Variants in REV1 observed in about 807,000 individuals in gnomAD.
The protein encoded by REV1 is REV1 DNA directed polymerase, also known as translesion synthesis protein REV1.
A neutral mutation model predicts 137.4 loss-of-function variants in REV1; 42 were observed. The ratio of observed to expected loss-of-function variants is 0.31; its 90% CI spans 0.24 to 0.40. The LOEUF is 0.40. REV1 is among the 10% of genes least tolerant of loss of function. The pLI is 1.00. For synonymous variants in REV1, 524 were observed against 519.2 expected (o/e 1.01, Z -0.12); for missense variants, 1,282 against 1,490.1 (o/e 0.86, Z 2.30).
At chr2:99,413,946 T>TAA (rs1271151357) in intron 12 of REV1, among the ~76,000 whole-genome samples, 3 of 152,068 alleles carry the variant, frequency 2.0e-5, no homozygotes, top group Admixed American at 1.3e-4. Flanking sequence ...GCCAACAGTC[T>TAA]GAGTTTGAGG....
At chr2:99,410,199 T>C (rs1310548992) in intron 14 of REV1, among the ~76,000 whole-genome samples, 1 of 152,092 alleles carries the variant, frequency 6.6e-6, no homozygotes, top group Non-Finnish European at 1.5e-5. Context: ...TTAGTGGAAA[T>C]GGAGTTTCAC....
intron 4 of REV1, among the ~76,000 whole-genome samples, chr2:99,447,930 C>A (rs1432481515): frequency 6.6e-6 from 1 of 151,592 alleles, no homozygotes; most frequent in Non-Finnish European, 1.5e-5. Flanking sequence ...GTTGGCCAAG[C>A]TGGTCTCTGC....
intron 1 of REV1, among the ~76,000 whole-genome samples, chr2:99,476,054 A>AGCCCC (rs1370748115): frequency 6.6e-6 from 1 of 152,264 alleles, no homozygotes; most frequent in African/African-American, 2.4e-5. Context: ...CGCTTTCAAC[A>AGCCCC]AACACATACA....
chr2:99,424,851 G>C (rs1200766260), intron 9 of REV1: 17 of 1,304,000 alleles, frequency 1.3e-5, no homozygotes, highest in Non-Finnish European at 1.7e-5. Flanking sequence ...ATTGTACATG[G>C]TAGGACATCA....
chr2:99,424,047 C>T (rs1354203685), intron 10 of REV1, 105 bp downstream of exon 10: 16 of 1,246,012 alleles, frequency 1.3e-5, no homozygotes, highest in Non-Finnish European at 1.8e-5. Context: ...AGATAAAATT[C>T]TAACAAAAGT....
Position 99,479,111 on chromosome 2 carries a change from C to T in REV1, c.-11+10706G>A, listed in dbSNP as rs866341353. On this transcript the variant is annotated intron_variant, in intron 1 of 22. Transcript: ENST00000258428. ...TTAGGAGACCGAGGTGGGCGGATCA[C>T]GAGGTCAGGAGATCGAGACCACACT... Among the ~76,000 whole-genome samples the T allele has an allele frequency of 1.4e-4, 21 of 151,876 alleles. 1 individual carries two copies. The highest frequency in any genetic ancestry group is 4.6e-4 in the African/African-American group (19 of 41,336).
At chr2:99,449,273 A>T in intron 4 of REV1, 63 bp downstream of exon 4, 1 of 1,058,492 alleles carries the variant, frequency 9.4e-7, no homozygotes, top group East Asian at 3.4e-5. Context: ...TCAAAAAAAT[A>T]AATAAATAAA....
chr2:99,407,942 A>G (rs928604904), intron 15 of REV1, 87 bp downstream of exon 15: 3 of 718,490 alleles, frequency 4.2e-6, no homozygotes, highest in Non-Finnish European at 4.4e-6. Flanking sequence ...GTCCCTATAC[A>G]CCAGCAATAA....
intron 18 of REV1, among the ~76,000 whole-genome samples, chr2:99,404,077 T>C (rs535438166): frequency 2.6e-5 from 4 of 152,266 alleles, no homozygotes; most frequent in African/African-American, 9.6e-5. Context: ...AATGCACTAG[T>C]AGAAAATGGG....
At chr2:99,405,769 A>T in intron 17 of REV1, 141 bp downstream of exon 17, 1 of 547,514 alleles carries the variant, frequency 1.8e-6, no homozygotes, top group Non-Finnish European at 3.0e-6. Context: ...ATCATGATCT[A>T]CCCAAACAAG....
At chr2:99,404,167 G>A (rs866475408) in intron 18 of REV1, among the ~76,000 whole-genome samples, 1 of 152,138 alleles carries the variant, frequency 6.6e-6, no homozygotes, top group South Asian at 2.1e-4. Flanking sequence ...TTGTATTCAA[G>A]TGTGGCCATT....
At chr2:99,426,613 CA>C (rs1429829372) in intron 9 of REV1, among the ~76,000 whole-genome samples, 2 of 152,008 alleles carry the variant, frequency 1.3e-5, no homozygotes, top group African/African-American at 4.8e-5. Flanking sequence ...TAAGGGAAGC[CA>C]AATACCTTGA....
chr2:99,428,950 C>T (rs1228197855), intron 9 of REV1, among the ~76,000 whole-genome samples: 18 of 150,294 alleles, frequency 1.2e-4, no homozygotes, highest in Admixed American at 1.1e-3. Context: ...CAAGATGGTG[C>T]CACTGCACTC....
At chr2:99,406,817 A>AAAAAAAATT (rs1676358080) in intron 15 of REV1, 1 of 169,336 alleles carries the variant, frequency 5.9e-6, no homozygotes, top group Non-Finnish European at 1.2e-5. Flanking sequence ...AATTAGGATA[A>AAAAAAAATT]AAAAAAATTA....
chr2:99,454,594 C>CT (rs1683331267), intron 3 of REV1, among the ~76,000 whole-genome samples: 3 of 87,972 alleles, frequency 3.4e-5, no homozygotes, highest in Non-Finnish European at 7.4e-5. Flanking sequence ...AAAAAAAACC[C>CT]AAAAATTACG....
At chr2:99,422,111 C>A (rs1357511471) in intron 10 of REV1, among the ~76,000 whole-genome samples, 1 of 152,054 alleles carries the variant, frequency 6.6e-6, no homozygotes, top group Admixed American at 6.6e-5. Context: ...TCTCCTAAAA[C>A]CAAAATATCA....
chr2:99,454,856 G>C (rs1029456711), intron 3 of REV1, among the ~76,000 whole-genome samples: 1 of 152,152 alleles, frequency 6.6e-6, no homozygotes, highest in Non-Finnish European at 1.5e-5. Context: ...ACAGACAATT[G>C]AAAGCACAGT....
At chr2:99,446,851 A>G (rs1682292906) in intron 4 of REV1, among the ~76,000 whole-genome samples, 1 of 151,422 alleles carries the variant, frequency 6.6e-6, no homozygotes, top group Non-Finnish European at 1.5e-5. Flanking sequence ...TTTCCCCTCA[A>G]CTCTCCTCCT....
At position 99,439,157 on chromosome 2, in the gene REV1, T is replaced by G. The variant is rs970768290; in HGVS notation, c.657A>C (p.Arg219Ser). 8.7e-6 allele frequency: 14 copies of G among 1,614,056 alleles called. No homozygotes were observed. The highest frequency in any genetic ancestry group is 5.0e-5 in the Admixed American group (3 of 59,996). The change falls in exon 6 of 23, where the codon AGA (arginine) becomes AGC (serine). Residue 219 changes from arginine (R) to serine (S), a missense_variant. Physicochemically the swap from Arg to Ser is moderately radical, Grantham distance 110 (BLOSUM62 -1). This residue lies in a region of REV1 where 432 missense variants were observed against 438.0 expected (regional missense o/e 0.99). Transcript: ENST00000258428. ...GRKQNGIPHPRGSTAIFNGHT... is the reference protein window; with the variant it reads ...GRKQNGIPHPSGSTAIFNGHT... Reference sequence around the variant, plus strand: ...GTCCATTAAAAATGGCAGTGCTCCCTCTGGGATGCGGAATTCCATTCTGTT... The same window carrying G: ...GTCCATTAAAAATGGCAGTGCTCCCGCTGGGATGCGGAATTCCATTCTGTT...
Sources: gnomAD v4.1 joint callset for allele counts (sites outside exome capture counted in the v4.1 genomes callset) on GRCh38, gnomAD v4.1.1 for gene constraint, gnomAD v4.1.1 regional missense constraint, MANE v1.5 for transcripts, NCBI Gene and HGNC (gene_info 2026-07-23, HGNC 2026-07-21) for gene names.